The following GPC6 variants were observed in gnomAD, a reference collection of about 807,000 sequenced individuals.
GPC6 encodes glypican-6.
A neutral mutation model predicts 55.2 loss-of-function variants in GPC6; 14 were observed. That is an observed-to-expected ratio of 0.25 (90% CI 0.17 to 0.40). The LOEUF is 0.40. Ranked by LOEUF, GPC6 falls within the 10% of genes least tolerant of loss-of-function variation. The pLI, the probability that GPC6 is intolerant of heterozygous loss-of-function variation, is 1.00. For synonymous variants in GPC6, 278 were observed against 259.6 expected (o/e 1.07, Z -0.68); for missense variants, 641 against 708.5 (o/e 0.90, Z 1.08).
At chr13:93,499,174 T>C (rs1880430802) in intron 1 of GPC6, among the ~76,000 whole-genome samples, 1 of 151,888 alleles carries the variant, frequency 6.6e-6, no homozygotes, top group Non-Finnish European at 1.5e-5. Context: ...TACAGTAAAG[T>C]CTACTTGTGA....
At chr13:93,592,782 T>C (rs1266759878) in intron 2 of GPC6, among the ~76,000 whole-genome samples, 2 of 152,112 alleles carry the variant, frequency 1.3e-5, no homozygotes, top group East Asian at 3.8e-4. Flanking sequence ...AATTAGATAG[T>C]TCTTCATAAA....
chr13:93,468,171 A>C, intron 1 of GPC6, among the ~76,000 whole-genome samples: 1 of 152,080 alleles, frequency 6.6e-6, no homozygotes. Context: ...ATAGAAAGTA[A>C]AATTTTTCAT....
At chr13:93,517,980 T>TATA (rs1355569246) in intron 1 of GPC6, among the ~76,000 whole-genome samples, 1 of 151,392 alleles carries the variant, frequency 6.6e-6, no homozygotes, top group Non-Finnish European at 1.5e-5. Flanking sequence ...TTAATATTAT[T>TATA]ATTATTATTT....
intron 3 of GPC6, among the ~76,000 whole-genome samples, chr13:93,857,905 G>T (rs573028551): frequency 1.3e-5 from 2 of 151,586 alleles, no homozygotes; most frequent in Non-Finnish European, 3.0e-5. Flanking sequence ...AATGATCTTT[G>T]TGGGCCATAG....
At chr13:93,977,284 A>G (rs780739770) in intron 3 of GPC6, among the ~76,000 whole-genome samples, 6 of 152,176 alleles carry the variant, frequency 3.9e-5, no homozygotes, top group Non-Finnish European at 8.8e-5. Context: ...TCATTGCTGC[A>G]TTTGGTTTCC....
At chr13:93,391,448 A>G (rs1320696663) in intron 1 of GPC6, among the ~76,000 whole-genome samples, 1 of 152,128 alleles carries the variant, frequency 6.6e-6, no homozygotes, top group Non-Finnish European at 1.5e-5. Flanking sequence ...ATATTTCTCA[A>G]GTATGATTTG....
chr13:93,805,757 G>C (rs1181986681), intron 2 of GPC6, among the ~76,000 whole-genome samples: 2 of 152,128 alleles, frequency 1.3e-5, no homozygotes, highest in African/African-American at 2.4e-5. Context: ...CTGAAATGTG[G>C]CTTATCTATC....
intron 1 of GPC6, among the ~76,000 whole-genome samples, chr13:93,307,965 AG>A (rs1878927220): frequency 1.3e-5 from 2 of 152,206 alleles, no homozygotes; most frequent in African/African-American, 4.8e-5. Flanking sequence ...AAAAGAAAAT[AG>A]GTCAATTGAA....
chr13:93,596,656 A>ATATATAAGTGTGTATACACT (rs1228615074), intron 2 of GPC6, among the ~76,000 whole-genome samples: 42 of 147,852 alleles, frequency 2.8e-4, no homozygotes, highest in South Asian at 6.3e-4. Flanking sequence ...GTGTATATGC[A>ATATATAAGTGTGTATACACT]TATATAAGTG....
intron 1 of GPC6, among the ~76,000 whole-genome samples, chr13:93,530,567 C>T (rs907399928): frequency 6.6e-6 from 1 of 152,070 alleles, no homozygotes; most frequent in Non-Finnish European, 1.5e-5. Flanking sequence ...GTACTCTTAG[C>T]TCCGAGGAGT....
chr13:93,854,462 C>T (rs2139017141), intron 3 of GPC6, among the ~76,000 whole-genome samples: 1 of 151,712 alleles, frequency 6.6e-6, no homozygotes, highest in Admixed American at 6.6e-5. Context: ...ACACTTGTTT[C>T]TTAATAGAAT....
intron 4 of GPC6, among the ~76,000 whole-genome samples, chr13:94,192,301 G>A (rs980055199): frequency 6.6e-5 from 10 of 152,286 alleles, no homozygotes; most frequent in African/African-American, 2.4e-4. Context: ...TGAGTACTTG[G>A]AACTTTACTC....
At chr13:93,274,344 G>A (rs1305694805) in intron 1 of GPC6, among the ~76,000 whole-genome samples, 5 of 152,134 alleles carry the variant, frequency 3.3e-5, no homozygotes, top group Non-Finnish European at 5.9e-5. Context: ...AGGTTCATTC[G>A]GAAAGTGATA....
chr13:93,535,662 C>T (rs1014329368), intron 1 of GPC6, among the ~76,000 whole-genome samples: 1 of 148,984 alleles, frequency 6.7e-6, no homozygotes, highest in African/African-American at 2.5e-5. Flanking sequence ...GTATCAGCCA[C>T]CATTTGCAGA....
chr13:94,038,186 A>G (rs1484421294), intron 4 of GPC6, among the ~76,000 whole-genome samples: 3 of 151,956 alleles, frequency 2.0e-5, no homozygotes, highest in African/African-American at 7.2e-5. Flanking sequence ...AGTAATTACC[A>G]CAATCAAGCT....
chr13:93,450,657 A>G, intron 1 of GPC6: 1 of 638,286 alleles, frequency 1.6e-6, no homozygotes, highest in Non-Finnish European at 1.9e-6. Context: ...TCCCTGAAGA[A>G]TGCGTACTTC....
rs9584130 is a variant in GPC6, at chr13:93,559,710, T to G, written c.319+14289T>G. ...GTTCATAGTTGCCTTCTCAGCAACC[T>G]TAAATCCTCATAGAAAATGCATAAT... On this transcript the variant is annotated intron_variant, in intron 2 of 8. Coordinates refer to ENST00000377047, the MANE Select transcript of GPC6 (RefSeq NM_005708.5). Among the ~76,000 whole-genome samples the G allele has an allele frequency of 2.2e-3, 330 of 152,354 alleles. 2 individuals carry two copies. Among genetic ancestry groups the G allele is most frequent in the African/African-American group, 7.7e-3 (321 of 41,590 alleles).
intron 1 of GPC6, among the ~76,000 whole-genome samples, chr13:93,459,095 G>C (rs1878582606): frequency 6.6e-6 from 1 of 152,188 alleles, no homozygotes; most frequent in South Asian, 2.1e-4. Flanking sequence ...GCCTTGCTCT[G>C]TTGCTCAGGC....
intron 4 of GPC6, among the ~76,000 whole-genome samples, chr13:94,103,922 C>T (rs576974974): frequency 4.6e-5 from 7 of 152,112 alleles, no homozygotes; most frequent in Admixed American, 2.6e-4. Flanking sequence ...CTTTTGTTGC[C>T]GTTGCTTTTG....
Sources: gnomAD v4.1 joint callset for allele counts (sites outside exome capture counted in the v4.1 genomes callset) on GRCh38, gnomAD v4.1.1 for gene constraint, MANE v1.5 for transcripts, NCBI Gene and HGNC (gene_info 2026-07-23, HGNC 2026-07-21) for gene names.